The following KLHDC1 variants were observed in gnomAD, a reference collection of about 807,000 sequenced individuals.
KLHDC1 encodes the protein kelch domain-containing protein 1.
A neutral mutation model predicts 68.3 loss-of-function variants in KLHDC1; 53 were observed. That is an observed-to-expected ratio of 0.78 (90% CI 0.62 to 0.98). The LOEUF is 0.98. Ranked by LOEUF, KLHDC1 falls within the 50% of genes least tolerant of loss-of-function variation. KLHDC1 has a pLI of 0.00. For synonymous variants in KLHDC1, 148 were observed against 159.0 expected, an observed-to-expected ratio of 0.93 and a Z score of 0.52; for missense variants, 470 against 492.3, an observed-to-expected ratio of 0.95 and a Z score of 0.43.
chr14:49,704,612 C>T (rs552800352), intron 1 of KLHDC1, among the ~76,000 whole-genome samples: 70 of 151,788 alleles, frequency 4.6e-4, no homozygotes, highest in African/African-American at 1.5e-3. Flanking sequence ...GCTGGGCTGG[C>T]CTTGAACTCC....
intron 1 of KLHDC1, among the ~76,000 whole-genome samples, chr14:49,693,748 C>CTT (rs1231129663): frequency 0.01 from 618 of 61,556 alleles, 122 homozygotes; most frequent in African/African-American, 0.03. Context: ...TTTTCTTTTT[C>CTT]TTTTTTTTTT....
intron 1 of KLHDC1, chr14:49,708,673 A>C (rs1888121218): frequency 6.5e-6 from 1 of 153,366 alleles, no homozygotes; most frequent in South Asian, 2.1e-4. Context: ...TGCATATAGT[A>C]GGCACTCAAA....
intron 1 of KLHDC1, among the ~76,000 whole-genome samples, chr14:49,708,025 T>C (rs1888103302): frequency 6.6e-6 from 1 of 151,786 alleles, no homozygotes; most frequent in Middle Eastern, 3.4e-3. Flanking sequence ...AACTTATGTA[T>C]TATATAGTTT....
At chr14:49,741,865 A>T (rs1271836591) in intron 11 of KLHDC1, among the ~76,000 whole-genome samples, 1 of 152,092 alleles carries the variant, frequency 6.6e-6, no homozygotes, top group East Asian at 1.9e-4. Flanking sequence ...GAAATAGAGG[A>T]TTCTGAGCCA....
intron 1 of KLHDC1, among the ~76,000 whole-genome samples, chr14:49,706,378 A>G (rs1051548395): frequency 2.6e-5 from 4 of 152,104 alleles, no homozygotes; most frequent in African/African-American, 9.7e-5. Flanking sequence ...TTATCCATTC[A>G]TGTGTTGATG....
chr14:49,711,774 TATC>T (rs1313758459), intron 4 of KLHDC1, among the ~76,000 whole-genome samples: 4 of 152,118 alleles, frequency 2.6e-5, no homozygotes, highest in African/African-American at 9.7e-5. Flanking sequence ...TGTTTTAAAA[TATC>T]ATTCACTATT....
intron 4 of KLHDC1, among the ~76,000 whole-genome samples, chr14:49,712,122 G>A (rs536865198): frequency 1.2e-4 from 18 of 151,730 alleles, no homozygotes; most frequent in Non-Finnish European, 2.5e-4. Context: ...GTTTCACCAT[G>A]TTAGCCAGGA....
Position 49,729,545 on chromosome 14 carries a change from G to A in KLHDC1, c.707G>A (p.Gly236Glu). The A allele has an allele frequency of 1.2e-6, 2 of 1,603,076 alleles. No individual in the cohort carries two copies. The highest frequency in any genetic ancestry group is 1.1e-5 in the South Asian group (1 of 90,666). Residue 236 changes from glycine to glutamate, a missense_variant, in exon 8 of 13, where the codon GGA (glycine) becomes GAA (glutamate). By Grantham distance (98) the Gly-to-Glu change is moderately conservative. Coordinates refer to ENST00000359332, the MANE Select transcript of KLHDC1 (RefSeq NM_172193.3). Reference sequence around the variant, plus strand: ...AACCTAGACACCTGGACTTGGTCTGGAAGGTAAGTTTGAAGTCTAAGTACG... The same window carrying A: ...AACCTAGACACCTGGACTTGGTCTGAAAGGTAAGTTTGAAGTCTAAGTACG... ...YLNLDTWTWS[G>E]RITINGESPK... is the part of the protein sequence containing the mutation.
intron 4 of KLHDC1, among the ~76,000 whole-genome samples, chr14:49,720,778 T>G (rs1228647565): frequency 6.6e-6 from 1 of 152,228 alleles, no homozygotes; most frequent in African/African-American, 2.4e-5. Flanking sequence ...TTCTTTATGT[T>G]TTAATTTGGA....
intron 1 of KLHDC1, among the ~76,000 whole-genome samples, chr14:49,694,259 A>G (rs188135065): frequency 5.8e-4 from 89 of 152,238 alleles, no homozygotes; most frequent in African/African-American, 2.0e-3. Flanking sequence ...AAGCTGGAAA[A>G]CAGGAATACT....
chr14:49,715,755 A>ATATATATATATATAT (rs1190003555), intron 4 of KLHDC1, among the ~76,000 whole-genome samples: 30 of 127,212 alleles, frequency 2.4e-4, no homozygotes, highest in African/African-American at 8.5e-4. Context: ...AAAAAAAAAA[A>ATATATATATATATAT]AAAAAAAAAA....
intron 1 of KLHDC1, among the ~76,000 whole-genome samples, chr14:49,696,397 C>G (rs530893610): frequency 3.3e-5 from 5 of 152,186 alleles, no homozygotes; most frequent in Admixed American, 2.6e-4. Flanking sequence ...TTGGCCAGGC[C>G]GATCTCGAAC....
Position 49,693,276 on chromosome 14 carries a change from TG to T in KLHDC1, c.89del (p.Gly30AlafsTer107). ...AVVDGNFLYV[W>X]GGYVSIEDNE... is the part of the protein sequence containing the mutation. ...GGTGGACGGAAACTTCCTCTACGTG[TG>T]GGGGGGCTACGTGGTAAGGGGAAGA... On this transcript the variant is annotated frameshift_variant, in exon 1 of 13. Transcript: ENST00000359332. LOFTEE classifies it high-confidence loss of function. The T allele has an allele frequency of 5.8e-6, 9 of 1,552,920 alleles. No homozygotes were observed. Among genetic ancestry groups the T allele is most frequent in the East Asian group, 2.6e-5 (1 of 37,888 alleles).
chr14:49,709,316 T>C (rs1383740946), intron 2 of KLHDC1, 87 bp downstream of exon 2: 1 of 607,226 alleles, frequency 1.6e-6, no homozygotes, highest in East Asian at 3.0e-5. Context: ...GACCATACTT[T>C]GAACATACTG....
At chr14:49,747,875 GGCT>G (rs1889236312) in intron 12 of KLHDC1, among the ~76,000 whole-genome samples, 1 of 152,262 alleles carries the variant, frequency 6.6e-6, no homozygotes, top group East Asian at 1.9e-4. Context: ...GGAGATGACT[GGCT>G]GAATTTATCC....
chr14:49,715,765 A>AATATATATATAT (rs1555339251), intron 4 of KLHDC1, among the ~76,000 whole-genome samples: 702 of 51,328 alleles, frequency 0.014, 6 homozygotes, highest in Middle Eastern at 0.02. Flanking sequence ...AAAAAAAAAA[A>AATATATATATAT]ATATATATAT....
chr14:49,728,968 G>A lies in KLHDC1; in HGVS notation c.610G>A (p.Val204Ile), dbSNP rs376692639. The change falls in exon 7 of 13, where the codon GTT (valine) becomes ATT (isoleucine). Residue 204 changes from valine (V) to isoleucine (I), a missense_variant. Physicochemically the swap from Val to Ile is conservative, Grantham distance 29. Coordinates refer to ENST00000359332, the MANE Select transcript of KLHDC1 (RefSeq NM_172193.3). The part of the protein sequence containing the change: ...PQPRAAHTCA[V>I]LGNKGYIFGG... The stretch of plus-strand genomic sequence containing the variant: ...GCCACGAGCCGCGCATACATGTGCA[G>A]TTCTTGGAAATAAGGGTTATATCTT... 1.2e-6 allele frequency: 2 copies of A among 1,613,864 alleles called. No individual in the cohort carries two copies. The highest frequency in any genetic ancestry group is 1.7e-6 in the Non-Finnish European group (2 of 1,179,774).
chr14:49,704,255 T>C (rs977060230), intron 1 of KLHDC1, among the ~76,000 whole-genome samples: 6 of 152,134 alleles, frequency 3.9e-5, no homozygotes, highest in African/African-American at 1.4e-4. Context: ...TGCTGGCTCA[T>C]GTCTTTTGCT....
chr14:49,730,433 G>C (rs1322969615), intron 8 of KLHDC1, among the ~76,000 whole-genome samples: 2 of 151,864 alleles, frequency 1.3e-5, no homozygotes, highest in East Asian at 3.9e-4. Context: ...TGTTGGCCAG[G>C]ATGGTCTCGA....
Sources: allele counts gnomAD v4.1 joint callset (sites outside exome capture counted in the v4.1 genomes callset), GRCh38; gene constraint gnomAD v4.1.1; transcripts MANE v1.5; gene names NCBI Gene and HGNC (gene_info 2026-07-23, HGNC 2026-07-21).